The following FCHSD2 variants were observed in gnomAD, a reference collection of about 807,000 sequenced individuals.
FCHSD2 encodes F-BAR and double SH3 domains protein 2.
A neutral mutation model predicts 108.1 loss-of-function variants in FCHSD2; 38 were observed. The ratio of observed to expected loss-of-function variants is 0.35; its 90% CI spans 0.27 to 0.46. FCHSD2 has a LOEUF of 0.46. FCHSD2 is among the 20% of genes least tolerant of loss of function. The probability of loss-of-function intolerance (pLI) is 1.00; values close to 1 mark genes in which losing one functional copy is unlikely to be tolerated. For synonymous variants in FCHSD2, 279 were observed against 314.7 expected (o/e 0.89, Z 1.20); for missense variants, 751 against 897.8 (o/e 0.84, Z 2.09).
At chr11:72,907,598 G>GTTTTT (rs200788964) in intron 9 of FCHSD2, among the ~76,000 whole-genome samples, 8 of 72,710 alleles carry the variant, frequency 1.1e-4, no homozygotes, top group Non-Finnish European at 1.5e-4. Context: ...TAATCACGTG[G>GTTTTT]GTTTTTTTTT....
chr11:73,023,102 G>T (rs912685631), intron 3 of FCHSD2, among the ~76,000 whole-genome samples: 4 of 152,088 alleles, frequency 2.6e-5, no homozygotes, highest in African/African-American at 9.7e-5. Flanking sequence ...GAAACATTTA[G>T]AAGAACAGAG....
intron 2 of FCHSD2, among the ~76,000 whole-genome samples, chr11:73,096,873 A>C (rs1305622676): frequency 6.7e-6 from 1 of 148,948 alleles, no homozygotes; most frequent in South Asian, 2.1e-4. Context: ...TAGTTTTCTG[A>C]GTCTTTTTAT....
chr11:73,002,583 A>G (rs946101422), intron 4 of FCHSD2, among the ~76,000 whole-genome samples: 1 of 152,084 alleles, frequency 6.6e-6, no homozygotes, highest in Admixed American at 6.5e-5. Flanking sequence ...TACTTAAAAT[A>G]CATTTTAAAA....
intron 12 of FCHSD2, chr11:72,869,654 C>A (rs929424430): frequency 1.3e-5 from 2 of 152,032 alleles, no homozygotes; most frequent in African/African-American, 4.8e-5. Flanking sequence ...TGAGCACATA[C>A]TTGCATTTTG....
At position 73,017,291 on chromosome 11, in the gene FCHSD2, T is replaced by C. The variant is rs75013468; in HGVS notation, c.166-1406A>G. Among the ~76,000 whole-genome samples the C allele has an allele frequency of 1.2e-3, 177 of 152,314 alleles. 1 individual carries two copies. The highest frequency in any genetic ancestry group is 4.1e-3 in the African/African-American group (170 of 41,566). ...ACCAAACCTGGCCAACGTATTACTT[T>C]TGGATAGGAATATATGTGGTCCCCT... On this transcript the variant is annotated intron_variant, in intron 3 of 19. Coordinates refer to ENST00000409418, the MANE Select transcript of FCHSD2 (RefSeq NM_014824.3).
At chr11:72,991,538 G>T (rs1047512322) in intron 5 of FCHSD2, among the ~76,000 whole-genome samples, 3 of 152,176 alleles carry the variant, frequency 2.0e-5, no homozygotes, top group South Asian at 4.1e-4. Context: ...TCATCCCCGG[G>T]ATGCAAGGCT....
intron 2 of FCHSD2, among the ~76,000 whole-genome samples, chr11:73,128,763 G>C (rs1860919060): frequency 6.6e-6 from 1 of 152,176 alleles, no homozygotes; most frequent in Non-Finnish European, 1.5e-5. Context: ...ACTACTAACC[G>C]TGGTGAAAGA....
chr11:72,983,344 A>C (rs558085027), intron 8 of FCHSD2, among the ~76,000 whole-genome samples: 1 of 151,658 alleles, frequency 6.6e-6, no homozygotes, highest in Non-Finnish European at 1.5e-5. Flanking sequence ...GGTAGCATGC[A>C]CCTGGATCCC....
At chr11:72,839,385 C>T (rs1040712748) in intron 19 of FCHSD2, among the ~76,000 whole-genome samples, 3 of 152,082 alleles carry the variant, frequency 2.0e-5, no homozygotes, top group African/African-American at 7.2e-5. Context: ...ATCAGATCTG[C>T]GAAAAGATGA....
intron 8 of FCHSD2, among the ~76,000 whole-genome samples, chr11:72,950,745 C>T (rs943035447): frequency 6.6e-6 from 1 of 152,134 alleles, no homozygotes; most frequent in Non-Finnish European, 1.5e-5. Context: ...ACTTAACTCC[C>T]ACATTATCAT....
chr11:72,961,298 A>C (rs1856814641), intron 8 of FCHSD2, among the ~76,000 whole-genome samples: 2 of 151,868 alleles, frequency 1.3e-5, no homozygotes, highest in South Asian at 4.2e-4. Flanking sequence ...ATCATAGCTC[A>C]CTATAGCCTC....
At chr11:72,997,404 C>G (rs1857538810) in intron 5 of FCHSD2, among the ~76,000 whole-genome samples, 1 of 152,140 alleles carries the variant, frequency 6.6e-6, no homozygotes, top group Non-Finnish European at 1.5e-5. Flanking sequence ...AAGCTTAACC[C>G]TCTTTGGAAA....
chr11:72,963,469 A>G (rs1856851671), intron 8 of FCHSD2, among the ~76,000 whole-genome samples: 1 of 152,224 alleles, frequency 6.6e-6, no homozygotes, highest in Non-Finnish European at 1.5e-5. Context: ...ACCAGGAGTC[A>G]AACCAAATTT....
chr11:72,902,210 A>C (rs1010191211), intron 10 of FCHSD2, among the ~76,000 whole-genome samples: 1 of 152,112 alleles, frequency 6.6e-6, no homozygotes, highest in African/African-American at 2.4e-5. Flanking sequence ...ATTTCTGTGG[A>C]GGGGTACAAC....
At chr11:72,910,571 A>T (rs1442981037) in intron 9 of FCHSD2, among the ~76,000 whole-genome samples, 1 of 152,188 alleles carries the variant, frequency 6.6e-6, no homozygotes, top group Non-Finnish European at 1.5e-5. Flanking sequence ...ACTCAGGGTT[A>T]AATGGATTAA....
chr11:73,095,856 A>T (rs530468271), intron 2 of FCHSD2, among the ~76,000 whole-genome samples: 55 of 152,198 alleles, frequency 3.6e-4, no homozygotes, highest in African/African-American at 1.3e-3. Flanking sequence ...ATAGTGAGAG[A>T]GCCTACACTA....
chr11:73,015,284 T>A (rs1420217295), intron 4 of FCHSD2, among the ~76,000 whole-genome samples: 2 of 152,268 alleles, frequency 1.3e-5, no homozygotes, highest in East Asian at 3.8e-4. Context: ...ATCTTTTGTT[T>A]ATATTCAAAA....
chr11:73,107,241 G>T (rs1361072960), intron 2 of FCHSD2, among the ~76,000 whole-genome samples: 1 of 152,120 alleles, frequency 6.6e-6, no homozygotes, highest in Non-Finnish European at 1.5e-5. Context: ...TTTTAGTAGA[G>T]ACAGGGTTTC....
At chr11:73,014,285 C>A (rs1857924144) in intron 4 of FCHSD2, among the ~76,000 whole-genome samples, 1 of 151,804 alleles carries the variant, frequency 6.6e-6, no homozygotes, top group African/African-American at 2.4e-5. Flanking sequence ...GCACGTACCA[C>A]CACACCCAGC....
Sources: allele counts gnomAD v4.1 joint callset (sites outside exome capture counted in the v4.1 genomes callset), GRCh38; gene constraint gnomAD v4.1.1; transcripts MANE v1.5; gene names NCBI Gene and HGNC (gene_info 2026-07-23, HGNC 2026-07-21).